Variants in MGAT4C observed in about 807,000 individuals in gnomAD.
MGAT4C encodes the protein alpha-1,3-mannosyl-glycoprotein 4-beta-N-acetylglucosaminyltransferase C.
A neutral mutation model predicts 40.1 loss-of-function variants in MGAT4C; 19 were observed. That is an observed-to-expected ratio of 0.47 (90% CI 0.33 to 0.70). The LOEUF (loss-of-function observed/expected upper bound fraction) is 0.70, where lower values mean the gene tolerates loss of function less well. Ranked by LOEUF, MGAT4C falls within the 30% of genes least tolerant of loss-of-function variation. The pLI is 0.02. For synonymous variants in MGAT4C, 181 were observed against 187.1 expected, an observed-to-expected ratio of 0.97 and a Z score of 0.27; for missense variants, 491 against 563.2, an observed-to-expected ratio of 0.87 and a Z score of 1.30.
intron 4 of MGAT4C, among the ~76,000 whole-genome samples, chr12:86,267,169 C>A (rs899824842): frequency 6.6e-6 from 1 of 151,422 alleles, no homozygotes; most frequent in African/African-American, 2.4e-5. Flanking sequence ...TTTTCTAGTC[C>A]CTTCAAGTGT....
intron 2 of MGAT4C, among the ~76,000 whole-genome samples, chr12:86,475,459 A>AT (rs760679531): frequency 6.6e-6 from 1 of 152,014 alleles, no homozygotes; most frequent in South Asian, 2.1e-4. Flanking sequence ...TGTTAATGTG[A>AT]TTTTTACTAC....
intron 2 of MGAT4C, among the ~76,000 whole-genome samples, chr12:86,700,052 A>ATAGATAGATAGATAGATAGATAGG (rs1310167771): frequency 2.4e-4 from 36 of 151,684 alleles, no homozygotes; most frequent in African/African-American, 8.7e-4. Context: ...AGATAGATAG[A>ATAGATAGATAGATAGATAGATAGG]TAGATAGATA....
chr12:86,567,953 G>T (rs147010867), intron 2 of MGAT4C, among the ~76,000 whole-genome samples: 1 of 152,082 alleles, frequency 6.6e-6, no homozygotes, highest in Non-Finnish European at 1.5e-5. Flanking sequence ...GCTTCTGGTC[G>T]ACAAAGGATA....
At chr12:86,321,355 TTTAAG>T (rs1476489786) in intron 4 of MGAT4C, among the ~76,000 whole-genome samples, 1 of 152,198 alleles carries the variant, frequency 6.6e-6, no homozygotes. Flanking sequence ...TTTGATTTAA[TTTAAG>T]TTATGCCATA....
At chr12:86,495,836 A>AT (rs1444368134) in intron 2 of MGAT4C, among the ~76,000 whole-genome samples, 4 of 152,020 alleles carry the variant, frequency 2.6e-5, no homozygotes, top group Non-Finnish European at 5.9e-5. Context: ...AACTCACCAG[A>AT]TGACTACATC....
At chr12:86,391,267 C>G (rs546101010) in intron 3 of MGAT4C, among the ~76,000 whole-genome samples, 1 of 152,206 alleles carries the variant, frequency 6.6e-6, no homozygotes, top group East Asian at 1.9e-4. Context: ...CATGTAAGCA[C>G]TTTGATTTTT....
intron 2 of MGAT4C, among the ~76,000 whole-genome samples, chr12:86,557,033 A>G (rs999103036): frequency 6.6e-6 from 1 of 152,194 alleles, no homozygotes; most frequent in African/African-American, 2.4e-5. Flanking sequence ...ATGTAAAAAC[A>G]TCAGTTTTGA....
intron 2 of MGAT4C, among the ~76,000 whole-genome samples, chr12:86,552,349 C>T (rs1408672160): frequency 1.3e-5 from 2 of 151,784 alleles, no homozygotes; most frequent in Non-Finnish European, 2.9e-5. Context: ...TAAAGGAGAA[C>T]AGAGGATAAT....
intron 1 of MGAT4C, among the ~76,000 whole-genome samples, chr12:86,747,782 T>A (rs74600343): frequency 0.012 from 1,759 of 150,974 alleles, 32 homozygotes; most frequent in African/African-American, 0.038. Context: ...TTTTTTTTTT[T>A]AAAAAAAAGC....
rs190618212 is a variant in MGAT4C at position 85,967,816 on chromosome 12, G to A, written c.*11473C>T. ...CTTGGAACTATGTGTGAATATGTGT[G>A]TGTGAATTATCTGTGTATATTTACA... On this transcript the variant is annotated 3_prime_UTR_variant, in exon 5 of 5. Coordinates refer to ENST00000611864, the MANE Select transcript of MGAT4C (RefSeq NM_001351288.2). The A allele has an allele frequency of 1.3e-5, 2 of 152,160 alleles. No homozygotes were observed. Among genetic ancestry groups the A allele is most frequent in the African/African-American group, 2.4e-5 (1 of 41,548 alleles). The allele number at this position is 152,160 out of a possible 1,614,324, so 9.4% of individuals were successfully genotyped here. A position where few individuals can be genotyped will look rare whatever the true frequency, so the allele number is the denominator to read the frequency against.
chr12:86,140,203 A>T (rs1882638649), intron 1 of MGAT4C, among the ~76,000 whole-genome samples: 1 of 152,198 alleles, frequency 6.6e-6, no homozygotes, highest in South Asian at 2.1e-4. Flanking sequence ...AAATGTCATT[A>T]CAGCAAGGAA....
intron 4 of MGAT4C, among the ~76,000 whole-genome samples, chr12:86,327,600 T>C (rs1290927193): frequency 6.6e-6 from 1 of 151,818 alleles, no homozygotes; most frequent in Non-Finnish European, 1.5e-5. Context: ...GTGGAAAAAA[T>C]TGAAGAAAAT....
At chr12:86,242,420 T>G (rs2136048650) in intron 1 of MGAT4C, among the ~76,000 whole-genome samples, 1 of 152,300 alleles carries the variant, frequency 6.6e-6, no homozygotes, top group Middle Eastern at 3.4e-3. Flanking sequence ...AAATGACCTC[T>G]CAGATTCCTT....
chr12:86,406,268 CT>C (rs1956471972), intron 3 of MGAT4C, among the ~76,000 whole-genome samples: 2 of 151,038 alleles, frequency 1.3e-5, no homozygotes, highest in Non-Finnish European at 3.0e-5. Flanking sequence ...AAATTAAAAC[CT>C]TTTGTCCTGT....
chr12:86,550,399 G>A (rs1023546204), intron 2 of MGAT4C, among the ~76,000 whole-genome samples: 2 of 152,134 alleles, frequency 1.3e-5, no homozygotes, highest in African/African-American at 2.4e-5. Context: ...ACTTTGAATA[G>A]CTGCTGGGAA....
intron 1 of MGAT4C, among the ~76,000 whole-genome samples, chr12:86,814,703 A>C (rs1566009800): frequency 6.6e-6 from 1 of 152,006 alleles, no homozygotes; most frequent in East Asian, 2.0e-4. Flanking sequence ...GCTTTTGGGA[A>C]GTGATTAAGT....
chr12:86,301,931 C>G (rs7967367), intron 4 of MGAT4C, among the ~76,000 whole-genome samples: 2,017 of 141,296 alleles, frequency 0.014, 44 homozygotes, highest in Middle Eastern at 0.021. Context: ...AGAATATCTG[C>G]CTATAGGTGA....
intron 1 of MGAT4C, among the ~76,000 whole-genome samples, chr12:86,105,015 T>C (rs1875889335): frequency 6.6e-6 from 1 of 152,162 alleles, no homozygotes; most frequent in Admixed American, 6.5e-5. Context: ...TGGACTTAAT[T>C]ACAAAGGCCG....
chr12:86,392,028 G>A (rs1422920989), intron 3 of MGAT4C, among the ~76,000 whole-genome samples: 3 of 152,126 alleles, frequency 2.0e-5, no homozygotes, highest in Non-Finnish European at 4.4e-5. Context: ...ATAATACCCT[G>A]CCTTATAGGA....
Sources: allele counts gnomAD v4.1 joint callset (sites outside exome capture counted in the v4.1 genomes callset), GRCh38; gene constraint gnomAD v4.1.1; transcripts MANE v1.5; gene names NCBI Gene and HGNC (gene_info 2026-07-23, HGNC 2026-07-21).